Variants in ZNF729 observed in about 807,000 individuals in gnomAD.
ZNF729 encodes zinc finger protein 729.
A neutral mutation model predicts 12.2 loss-of-function variants in ZNF729; 15 were observed. The observed-to-expected ratio is 1.23, with a 90% CI of 0.82 to 1.89. ZNF729 has a LOEUF of 1.89. Ranked by LOEUF, ZNF729 falls within the 40% of genes most tolerant of loss-of-function variation. The pLI is 0.00. For missense variants in ZNF729, 1,540 were observed against 1,456.7 expected, an observed-to-expected ratio of 1.06 and a Z score of -0.93; for synonymous variants, 492 against 476.3, an observed-to-expected ratio of 1.03 and a Z score of -0.43.
intron 1 of ZNF729, among the ~76,000 whole-genome samples, chr19:22,297,047 G>A (rs1452888838): frequency 6.6e-6 from 1 of 152,114 alleles, no homozygotes; most frequent in African/African-American, 2.4e-5. Context: ...TGAGAAGAAT[G>A]TATATTATGA....
At chr19:22,305,253 C>T (rs919096920) in intron 3 of ZNF729, among the ~76,000 whole-genome samples, 7 of 152,308 alleles carry the variant, frequency 4.6e-5, no homozygotes, top group African/African-American at 1.7e-4. Context: ...CAGGCACACA[C>T]TTCTTGTACA....
intron 1 of ZNF729, among the ~76,000 whole-genome samples, chr19:22,293,575 C>T (rs903793392): frequency 7.1e-6 from 1 of 140,806 alleles, no homozygotes; most frequent in African/African-American, 2.7e-5. Flanking sequence ...TCACTGCAAC[C>T]TCCGCCTCCT....
chr19:22,302,456 G>GAACCGAGGAA (rs375998713), intron 1 of ZNF729, among the ~76,000 whole-genome samples: 1 of 151,870 alleles, frequency 6.6e-6, no homozygotes. Flanking sequence ...GGATGTTTAT[G>GAACCGAGGAA]TTTATTTCTA....
At chr19:22,313,575 T>A (rs1968477278) in intron 3 of ZNF729, 96 bp from the exon 4 acceptor site, 4 of 1,138,908 alleles carry the variant, frequency 3.5e-6, no homozygotes, top group African/African-American at 1.6e-5. Flanking sequence ...TGCTGTGCCA[T>A]CTTATGTGGT....
chr19:22,304,035 A>AT (rs34014506), intron 2 of ZNF729, among the ~76,000 whole-genome samples, 151 bp downstream of exon 2: 43,944 of 129,384 alleles, frequency 0.34, 8,822 homozygotes, highest in South Asian at 0.54. Flanking sequence ...GTAGAAAGGA[A>AT]TTTTTTTTTT....
rs772714976 is a variant in ZNF729, at chr19:22,316,282, G to A, written c.2865G>A (p.Lys955=). The part of the protein sequence containing the change: ...FNDSSTLMKH[K]IIHTGKKPYK... ...ATTCCTCAACCCTTATGAAGCATAAGATAATTCATACTGGGAAGAAACCAT... is the reference window on the plus strand; with the variant it reads ...ATTCCTCAACCCTTATGAAGCATAAAATAATTCATACTGGGAAGAAACCAT... The change falls in exon 4 of 4, where the codon AAG becomes AAA. Residue 955 remains lysine (K), a synonymous_variant. Transcript: ENST00000601693. 2 of 1,613,644 alleles carry A rather than the reference G, an allele frequency of 1.2e-6. No individual in the cohort carries two copies. The highest frequency in any genetic ancestry group is 4.5e-5 in the East Asian group (2 of 44,842).
chr19:22,293,836 G>C (rs1310195597), intron 1 of ZNF729, among the ~76,000 whole-genome samples: 1 of 152,036 alleles, frequency 6.6e-6, no homozygotes, highest in Non-Finnish European at 1.5e-5. Context: ...TTTGTTTCTT[G>C]TAAACTTAAG....
intron 1 of ZNF729, among the ~76,000 whole-genome samples, chr19:22,297,939 A>G (rs1007316301): frequency 4.5e-5 from 6 of 132,560 alleles, no homozygotes; most frequent in African/African-American, 8.4e-5. Context: ...CAGGAGGTGG[A>G]GGTTGCAGTG....
At chr19:22,303,068 C>A (rs1315847019) in intron 1 of ZNF729, among the ~76,000 whole-genome samples, 1 of 152,158 alleles carries the variant, frequency 6.6e-6, no homozygotes, top group African/African-American at 2.4e-5. Context: ...AGCTACTGCG[C>A]CTGGCCTTTT....
At position 22,315,108 on chromosome 19, in the gene ZNF729, T is replaced by C. The variant is rs543464505; in HGVS notation, c.1691T>C (p.Val564Ala). 5.6e-6 allele frequency: 9 copies of C among 1,610,312 alleles called. No individual in the cohort carries two copies. In the East Asian group the frequency reaches 2.0e-4, roughly 36 times the overall value. ...TCATCAAAACTTACTGTACATAAGG[T>C]AATTCATACTGGAGAGAAACCCTGC... ...KWSSKLTVHK[V>A]IHTGEKPCKC... The change falls in exon 4 of 4, where the codon GTA (valine) becomes GCA (alanine). Residue 564 changes from valine (V) to alanine (A), a missense_variant. Coordinates refer to ENST00000601693, the MANE Select transcript of ZNF729 (RefSeq NM_001242680.2).
chr19:22,316,263 C>T lies in ZNF729; in HGVS notation c.2846C>T (p.Ser949Leu), dbSNP rs1337971069. The change falls in exon 4 of 4, where the codon TCA becomes TTA. Residue 949 changes from serine (S) to leucine (L), a missense_variant. Coordinates refer to ENST00000601693, the MANE Select transcript of ZNF729 (RefSeq NM_001242680.2). Reference protein sequence around the residue: ...EECGKAFNDSSTLMKHKIIHT... With the variant: ...EECGKAFNDSLTLMKHKIIHT... ...TGTGGCAAAGCTTTTAATGATTCCT[C>T]AACCCTTATGAAGCATAAGATAATT... The T allele has an allele frequency of 1.2e-6, 2 of 1,613,736 alleles. No homozygotes were observed. Among genetic ancestry groups the T allele is most frequent in the African/African-American group, 1.3e-5 (1 of 75,038 alleles).
chr19:22,292,919 CTT>C (rs1013857396), intron 1 of ZNF729, among the ~76,000 whole-genome samples: 2 of 152,074 alleles, frequency 1.3e-5, no homozygotes, highest in South Asian at 2.1e-4. Context: ...TGGTAATTCT[CTT>C]TTTAGTTCTG....
At chr19:22,304,646 T>G (rs1159078736) in intron 2 of ZNF729, 42 bp from the exon 3 acceptor site, 7 of 1,526,878 alleles carry the variant, frequency 4.6e-6, no homozygotes, top group Non-Finnish European at 6.2e-6. Flanking sequence ...ATTATTTGGG[T>G]AATATGACCA....
chr19:22,316,018 TAGAAAACATGAGATAATTCATAGTGGAG>T lies in ZNF729; in HGVS notation c.2607_2634del (p.Lys869AsnfsTer23). ...AAGCTTTTAGCCAATCCTCATCCCTTAGAAAACATGAGATAATTCATAGTGGAGAGAAACCATACAAATGTGAAGAATG... is the reference window on the plus strand; with the variant it reads ...AAGCTTTTAGCCAATCCTCATCCCTTAGAAACCATACAAATGTGAAGAATG... On this transcript the variant is annotated frameshift_variant, in exon 4 of 4. Transcript: ENST00000601693. LOFTEE classifies it low-confidence loss of function (END_TRUNC). 2 of 1,610,842 alleles carry T rather than the reference TAGAAAACATGAGATAATTCATAGTGGAG, an allele frequency of 1.2e-6. No homozygotes were observed. The highest frequency in any genetic ancestry group is 1.7e-6 in the Non-Finnish European group (2 of 1,179,702).
chr19:22,316,025 C>T lies in ZNF729; in HGVS notation c.2608C>T (p.His870Tyr), dbSNP rs749200258. The T allele has an allele frequency of 1.9e-6, 3 of 1,610,558 alleles. No individual in the cohort carries two copies. The highest frequency in any genetic ancestry group is 2.5e-6 in the Non-Finnish European group (3 of 1,179,648). ...TAGCCAATCCTCATCCCTTAGAAAACATGAGATAATTCATAGTGGAGAGAA... is the reference window on the plus strand; with the variant it reads ...TAGCCAATCCTCATCCCTTAGAAAATATGAGATAATTCATAGTGGAGAGAA... ...AFSQSSSLRK[H>Y]EIIHSGEKPY... Residue 870 changes from histidine (H) to tyrosine (Y), a missense_variant, in exon 4 of 4, where the codon CAT becomes TAT. Transcript: ENST00000601693.
chr19:22,306,516 T>A (rs1348127645), intron 3 of ZNF729, among the ~76,000 whole-genome samples: 1 of 150,406 alleles, frequency 6.6e-6, no homozygotes, highest in African/African-American at 2.4e-5. Context: ...TTTTTTAACA[T>A]GTTTTTTCTC....
intron 1 of ZNF729, among the ~76,000 whole-genome samples, chr19:22,296,932 A>G (rs1195507181): frequency 7.8e-6 from 1 of 127,780 alleles, no homozygotes. Context: ...AATTTTGTCA[A>G]GCTGTGGTCT....
chr19:22,314,123 T>A lies in ZNF729; in HGVS notation c.706T>A (p.Tyr236Asn), dbSNP rs545943741. The A allele has an allele frequency of 2.6e-6, 4 of 1,552,154 alleles. No individual in the cohort carries two copies. The South Asian group carries it at 4.7e-5, about 18-fold the overall frequency. The change falls in exon 4 of 4, where the codon TAC becomes AAC. Residue 236 changes from tyrosine to asparagine, a missense_variant. Physicochemically the swap from Tyr to Asn is moderately radical, Grantham distance 143. Transcript: ENST00000601693. ...HKIIHTEDKP[Y>N]KYKKCGNAFK... ...GATAATTCATACTGAAGACAAACCT[T>A]ACAAATATAAGAAATGTGGCAATGC...
chr19:22,300,670 A>G (rs999241742), intron 1 of ZNF729, among the ~76,000 whole-genome samples: 9 of 152,314 alleles, frequency 5.9e-5, no homozygotes, highest in South Asian at 4.1e-4. Flanking sequence ...AGAATTCTAC[A>G]AACTTCACAG....
Sources: gnomAD v4.1 joint callset for allele counts (sites outside exome capture counted in the v4.1 genomes callset) on GRCh38, gnomAD v4.1.1 for gene constraint, MANE v1.5 for transcripts, NCBI Gene and HGNC (gene_info 2026-07-23, HGNC 2026-07-21) for gene names.